Variants in GARNL3 observed in about 807,000 individuals in gnomAD.
GARNL3 encodes the protein GTPase activating Rap/RanGAP domain like 3.
In GARNL3, 63 loss-of-function variants were observed where a neutral mutation model predicts 125.0. The ratio of observed to expected loss-of-function variants is 0.50; its 90% CI spans 0.41 to 0.62. The LOEUF is 0.62. GARNL3 is among the 20% of genes least tolerant of loss of function. GARNL3 has a pLI of 0.00. For synonymous variants in GARNL3, 439 were observed against 457.5 expected (o/e 0.96, Z 0.52); for missense variants, 994 against 1,244.0 (o/e 0.80, Z 3.02).
intron 2 of GARNL3, among the ~76,000 whole-genome samples, chr9:127,291,480 G>A: frequency 6.6e-6 from 1 of 152,196 alleles, no homozygotes; most frequent in East Asian, 1.9e-4. Context: ...TGCCAGCAGT[G>A]GGACCAAAGA....
At position 127,364,395 on chromosome 9, in the gene GARNL3, C is replaced by G. The variant is rs2131718328; in HGVS notation, c.2095-905C>G. The G allele has an allele frequency of 6.6e-6, 1 of 152,492 alleles. No individual in the cohort carries two copies. The highest frequency in any genetic ancestry group is 6.5e-5 in the Admixed American group (1 of 15,296). 9.4% of individuals were successfully genotyped at this position (152,492 alleles called of 1,614,324 possible). Reference sequence around the variant, plus strand: ...TGGATAGATGAGCAGAGGCCAAGGCCTTCGGTTGGGGAGAAGGAGATCTTG... The same window carrying G: ...TGGATAGATGAGCAGAGGCCAAGGCGTTCGGTTGGGGAGAAGGAGATCTTG... On this transcript the variant is annotated intron_variant, in intron 21 of 27. Transcript: ENST00000373387. The surrounding 1 kb of genome is among the most constrained non-coding windows in gnomAD (Gnocchi z 4.2).
At chr9:127,388,854 A>ATGT (rs1447643224) in intron 25 of GARNL3, 50 bp from the exon 26 acceptor site, 2 of 1,065,872 alleles carry the variant, frequency 1.9e-6, no homozygotes. Context: ...CTTGTAAATA[A>ATGT]TGTGCACTTT....
intron 15 of GARNL3, among the ~76,000 whole-genome samples, chr9:127,344,668 C>T (rs368622960): frequency 4.6e-5 from 7 of 152,120 alleles, no homozygotes; most frequent in Admixed American, 6.5e-5. Flanking sequence ...AGTGAGGAGC[C>T]GATTTGGGAA....
chr9:127,229,922 A>T (rs1010021713), intron 1 of GARNL3, among the ~76,000 whole-genome samples: 1 of 152,228 alleles, frequency 6.6e-6, no homozygotes, highest in Non-Finnish European at 1.5e-5. Context: ...TAAATATCTG[A>T]TGTCAGCTCT....
intron 1 of GARNL3, among the ~76,000 whole-genome samples, chr9:127,289,606 C>T (rs867837246): frequency 2.6e-5 from 4 of 152,226 alleles, no homozygotes; most frequent in South Asian, 4.1e-4. Flanking sequence ...TGACCACCCA[C>T]GTGGCTGACC....
At position 127,393,457 on chromosome 9, in the gene GARNL3, A is replaced by T. The variant is rs1564209606; in HGVS notation, c.*203A>T. ...CTTTGTTTCTTTCTGTTCAGGAACC[A>T]TCAGTCCCCTTGTAATAAAGGTGGT... On this transcript the variant is annotated 3_prime_UTR_variant, in exon 28 of 28. Transcript: ENST00000373387. The T allele has an allele frequency of 2.5e-6, 1 of 402,630 alleles. No individual in the cohort carries two copies. The allele number at this position is 402,630 out of a possible 1,614,324, so 24.9% of individuals were successfully genotyped here.
At chr9:127,343,554 ACT>A (rs1180297582) in intron 14 of GARNL3, among the ~76,000 whole-genome samples, 1 of 151,934 alleles carries the variant, frequency 6.6e-6, no homozygotes, top group Non-Finnish European at 1.5e-5. Context: ...TTCCCAGTAG[ACT>A]CTGTGCTCCA....
chr9:127,342,892 CTTTT>C (rs59554997), intron 14 of GARNL3, among the ~76,000 whole-genome samples: 7 of 81,598 alleles, frequency 8.6e-5, no homozygotes, highest in South Asian at 4.6e-4. Context: ...GTGCTCTTTT[CTTTT>C]TTTTTTTTTT....
intron 5 of GARNL3, among the ~76,000 whole-genome samples, chr9:127,319,177 G>A (rs1000514306): frequency 2.0e-5 from 3 of 152,106 alleles, no homozygotes; most frequent in Admixed American, 2.0e-4. Flanking sequence ...GTTGGGGACT[G>A]CATCTGGCTG....
At position 127,385,521 on chromosome 9, in the gene GARNL3, T is replaced by A. The variant is rs564542040; in HGVS notation, c.2388+376T>A. ...ATCTTTCTTCCTTTCCCACCCTCTATCCTCAGTTTGAATTCTTAGCCTATG... is the reference window on the plus strand; with the variant it reads ...ATCTTTCTTCCTTTCCCACCCTCTAACCTCAGTTTGAATTCTTAGCCTATG... On this transcript the variant is annotated intron_variant, in intron 24 of 27. Transcript: ENST00000373387. This position sits in a 1 kb window ranked among gnomAD's most constrained non-coding sequence, Gnocchi z 4.1. Among the ~76,000 whole-genome samples the A allele has an allele frequency of 6.6e-6, 1 of 152,300 alleles. No individual in the cohort carries two copies. The highest frequency in any genetic ancestry group is 2.1e-4 in the South Asian group (1 of 4,832).
chr9:127,331,720 C>CTTTTTTTTTTTTTTTTTTTTTTTTTTT lies in GARNL3; in HGVS notation c.595-539_595-538insTTTTTTTTTTTTTTTTTTTTTTTTTTT, dbSNP rs60448026. ...CTACTGCTTGCTTGGCTTGGGCTTG[C>CTTTTTTTTTTTTTTTTTTTTTTTTTTT]TTTTTTTTTTTTTTTCACATCTGTT... On this transcript the variant is annotated intron_variant, in intron 7 of 27. Coordinates refer to ENST00000373387, the MANE Select transcript of GARNL3 (RefSeq NM_032293.5). Among the ~76,000 whole-genome samples the CTTTTTTTTTTTTTTTTTTTTTTTTTTT allele has an allele frequency of 3.4e-3, 256 of 74,336 alleles. 42 individuals are homozygous for CTTTTTTTTTTTTTTTTTTTTTTTTTTT. The highest frequency in any genetic ancestry group is 6.6e-3 in the East Asian group (10 of 1,506). 48.8% of individuals were successfully genotyped at this position (74,336 alleles called of 152,430 possible).
At position 127,357,102 on chromosome 9, in the gene GARNL3, C is replaced by G. The variant is rs570935419; in HGVS notation, c.1936-117C>G. On this transcript the variant is annotated intron_variant, in intron 20 of 27. Coordinates refer to ENST00000373387, the MANE Select transcript of GARNL3 (RefSeq NM_032293.5). ...CCCTTCTTCCCTGTAGCACGGGGCTCTGCAGGAGCCTGGAGAGGGTGCCTT... is the reference window on the plus strand; with the variant it reads ...CCCTTCTTCCCTGTAGCACGGGGCTGTGCAGGAGCCTGGAGAGGGTGCCTT... The G allele has an allele frequency of 2.8e-4, 278 of 991,682 alleles. No homozygotes were observed. In the African/African-American group the frequency reaches 4.3e-3, roughly 15 times the overall value. 61.4% of individuals were successfully genotyped at this position (991,682 alleles called of 1,614,324 possible).
chr9:127,350,501 G>T (rs981198309), intron 17 of GARNL3, among the ~76,000 whole-genome samples: 1 of 152,034 alleles, frequency 6.6e-6, no homozygotes, highest in Non-Finnish European at 1.5e-5. Flanking sequence ...CCTTCCGGGC[G>T]CAGTGGCTCA....
chr9:127,259,247 G>A (rs1315287686), upstream of GARNL3, among the ~76,000 whole-genome samples: 1 of 152,190 alleles, frequency 6.6e-6, no homozygotes, highest in Non-Finnish European at 1.5e-5. Context: ...TCTACATGGA[G>A]CTGGAAATCT....
Position 127,388,994 on chromosome 9 carries a change from C to T in GARNL3, c.2618C>T (p.Ser873Phe). Residue 873 changes from serine (S) to phenylalanine (F), a missense_variant, in exon 26 of 28, where the codon TCC becomes TTC. By Grantham distance (155) the Ser-to-Phe change is radical. Around this residue, in one of 5 missense-constraint regions of GARNL3, gnomAD observed 728 missense variants for 865.7 expected, o/e 0.84. Coordinates refer to ENST00000373387, the MANE Select transcript of GARNL3 (RefSeq NM_032293.5). The stretch of plus-strand genomic sequence containing the variant: ...CGACCTCTGAAGTCACCCTTAGTCT[C>T]CAAGGTCATCACCCCACCCACTCCC... ...IERPLKSPLV[S>F]KVITPPTPIS... 6.2e-7 allele frequency: 1 copy of T among 1,613,818 alleles called. No homozygotes were observed. Among genetic ancestry groups the T allele is most frequent in the Non-Finnish European group, 8.5e-7 (1 of 1,179,678 alleles).
In GARNL3 at chr9:127,385,962, C is replaced by T. The variant is rs1832520687; in HGVS notation, c.2388+817C>T. 1.3e-5 allele frequency among the ~76,000 whole-genome samples: 2 copies of T among 152,170 alleles called. No individual in the cohort carries two copies. Among genetic ancestry groups the T allele is most frequent in the African/African-American group, 4.8e-5 (2 of 41,418 alleles). On this transcript the variant is annotated intron_variant, in intron 24 of 27. Coordinates refer to ENST00000373387, the MANE Select transcript of GARNL3 (RefSeq NM_032293.5). This position sits in a 1 kb window ranked among gnomAD's most constrained non-coding sequence, Gnocchi z 4.1. ...TGTGCATATATGTATGATATGTGTA[C>T]ATATCTGCATGTATGTATCATATGC...
Position 127,344,314 on chromosome 9 carries a change from AGGC to A in GARNL3, c.1334_1336del (p.Ala445del). On this transcript the variant is annotated inframe_deletion, in exon 15 of 28. Coordinates refer to ENST00000373387, the MANE Select transcript of GARNL3 (RefSeq NM_032293.5). ...GCGCGGAAGAAAGAGGAGGCCCGCC[AGGC>A]GGAGTTTGTTAGAATAGGGCAGGTG... 6.2e-7 allele frequency: 1 copy of A among 1,613,864 alleles called. No homozygotes were observed. Among genetic ancestry groups the A allele is most frequent in the Non-Finnish European group, 8.5e-7 (1 of 1,179,696 alleles).
chr9:127,348,698 C>G (rs1830269713), intron 16 of GARNL3, among the ~76,000 whole-genome samples: 1 of 152,176 alleles, frequency 6.6e-6, no homozygotes, highest in African/African-American at 2.4e-5. Context: ...GGTTATGGTG[C>G]CAGAAACCTG....
At chr9:127,296,137 C>A (rs182028410) in intron 2 of GARNL3, among the ~76,000 whole-genome samples, 1 of 152,254 alleles carries the variant, frequency 6.6e-6, no homozygotes, top group East Asian at 1.9e-4. Context: ...TGACAGGAGA[C>A]GGAGCTCAGG....
Sources: gnomAD v4.1 joint callset for allele counts (sites outside exome capture counted in the v4.1 genomes callset) on GRCh38, gnomAD v4.1.1 for gene constraint, gnomAD v4.1.1 regional missense constraint, Gnocchi (gnomAD v3.1) non-coding constraint, MANE v1.5 for transcripts, NCBI Gene and HGNC (gene_info 2026-07-23, HGNC 2026-07-21) for gene names.